Variants in BICC1 observed in about 807,000 individuals in gnomAD.
The protein encoded by BICC1 is BicC family RNA binding protein 1.
A neutral mutation model predicts 111.0 loss-of-function variants in BICC1; 43 were observed. That is an observed-to-expected ratio of 0.39 (90% CI 0.30 to 0.50). The LOEUF is 0.50. BICC1 is among the 20% of genes least tolerant of loss of function. BICC1 has a pLI of 0.88. For missense variants in BICC1, 1,091 were observed against 1,203.2 expected (o/e 0.91, Z 1.38); for synonymous variants, 467 against 434.4 (o/e 1.07, Z -0.93).
Position 58,800,778 on chromosome 10 carries a change from G to C in BICC1, c.1859-112G>C, listed in dbSNP as rs1433893062. 25 of 1,083,704 alleles carry C rather than the reference G, an allele frequency of 2.3e-5. No individual in the cohort carries two copies. The East Asian group carries it at 2.4e-4, about 10-fold the overall frequency. The allele number at this position is 1,083,704 out of a possible 1,614,324, so 67.1% of individuals were successfully genotyped here. On this transcript the variant is annotated intron_variant, in intron 13 of 20. Transcript: ENST00000373886. The stretch of plus-strand genomic sequence containing the variant: ...TGCAGATGGAAGAGGTCTCTGTCAG[G>C]TTAATCATGTCTCCATAGAGTAGGG...
intron 1 of BICC1, among the ~76,000 whole-genome samples, chr10:58,605,214 T>A (rs557325662): frequency 1.3e-5 from 2 of 152,144 alleles, no homozygotes; most frequent in Non-Finnish European, 2.9e-5. Context: ...TCACGTAATA[T>A]ATACGCATAG....
chr10:58,748,227 T>A (rs1048353775), intron 3 of BICC1, among the ~76,000 whole-genome samples: 1 of 152,242 alleles, frequency 6.6e-6, no homozygotes, highest in African/African-American at 2.4e-5. Flanking sequence ...CCAGGCAGTG[T>A]TCTAGGGACT....
intron 3 of BICC1, chr10:58,715,589 C>T: frequency 1.2e-6 from 2 of 1,602,632 alleles, no homozygotes; most frequent in African/African-American, 1.3e-5. Flanking sequence ...CCTATATGCA[C>T]CCAATAGCAA....
chr10:58,612,287 A>G (rs1174018082), intron 1 of BICC1, among the ~76,000 whole-genome samples: 2 of 152,218 alleles, frequency 1.3e-5, no homozygotes, highest in African/African-American at 4.8e-5. Context: ...ATTCATGAAC[A>G]TAAAAAGTTT....
intron 2 of BICC1, 117 bp from the exon 3 acceptor site, chr10:58,701,957 C>G: frequency 1.5e-6 from 1 of 654,180 alleles, no homozygotes; most frequent in South Asian, 2.3e-5. Context: ...CAAATGAGAT[C>G]ATTTTGTATG....
chr10:58,722,613 C>T (rs1023735795), intron 3 of BICC1, among the ~76,000 whole-genome samples: 1 of 152,070 alleles, frequency 6.6e-6, no homozygotes, highest in African/African-American at 2.4e-5. Context: ...TAAAATTAGG[C>T]CATGATCACG....
intron 3 of BICC1, among the ~76,000 whole-genome samples, chr10:58,761,168 A>G (rs1204461231): frequency 6.6e-6 from 1 of 152,174 alleles, no homozygotes. Context: ...TAAGAGACCA[A>G]GAATTTATGA....
At chr10:58,826,629 G>A (rs541181708) in intron 20 of BICC1, among the ~76,000 whole-genome samples, 6 of 30,710 alleles carry the variant, frequency 2.0e-4, no homozygotes, top group Admixed American at 3.6e-4. Flanking sequence ...TGTGGTGGTG[G>A]GCACCTGTAG....
In BICC1 at chr10:58,788,406, G is replaced by T. The variant is rs911323619; in HGVS notation, c.583G>T (p.Ala195Ser). The T allele has an allele frequency of 1.9e-6, 3 of 1,610,824 alleles. No homozygotes were observed. Among genetic ancestry groups the T allele is most frequent in the East Asian group, 2.2e-5 (1 of 44,826 alleles). Residue 195 changes from alanine to serine, a missense_variant, in exon 6 of 21, where the codon GCC becomes TCC. Transcript: ENST00000373886. ...GGGACAACCAGCAGGAGTAGAATCT[G>T]CCCGAGTTAGAATTCGGGTAACTAT... ...IAGQPAGVES[A>S]RVRIRELLPL...
intron 3 of BICC1, among the ~76,000 whole-genome samples, chr10:58,719,512 CTT>C (rs61590839): frequency 2.1e-4 from 31 of 146,796 alleles, no homozygotes; most frequent in South Asian, 2.2e-4. Context: ...GGGCACTTTT[CTT>C]TTTTTTTTTT....
At chr10:58,574,238 G>C (rs1209493237) in intron 1 of BICC1, among the ~76,000 whole-genome samples, 1 of 152,140 alleles carries the variant, frequency 6.6e-6, no homozygotes, top group Non-Finnish European at 1.5e-5. Flanking sequence ...TGATTCTTCT[G>C]TGTGAGAATC....
intron 1 of BICC1, among the ~76,000 whole-genome samples, chr10:58,559,495 G>A (rs1317156004): frequency 6.6e-6 from 1 of 152,032 alleles, no homozygotes; most frequent in African/African-American, 2.4e-5. Context: ...CTAAGAATTG[G>A]TGGAGACTTT....
intron 2 of BICC1, among the ~76,000 whole-genome samples, chr10:58,678,030 C>A (rs907531836): frequency 4.6e-5 from 7 of 152,224 alleles, no homozygotes; most frequent in Non-Finnish European, 1.0e-4. Flanking sequence ...CTTACAAGAG[C>A]TCCTGAAGGA....
chr10:58,567,884 G>T (rs930866096), intron 1 of BICC1, among the ~76,000 whole-genome samples: 1 of 152,062 alleles, frequency 6.6e-6, no homozygotes, highest in African/African-American at 2.4e-5. Flanking sequence ...CTTACCTAGG[G>T]ACCTGTAAGT....
At chr10:58,665,607 C>T (rs933601029) in intron 2 of BICC1, among the ~76,000 whole-genome samples, 1 of 152,164 alleles carries the variant, frequency 6.6e-6, no homozygotes, top group Admixed American at 6.6e-5. Flanking sequence ...AGAGGTTTTT[C>T]ATTCCCCTTG....
chr10:58,821,132 T>C (rs757924815), intron 20 of BICC1, among the ~76,000 whole-genome samples: 1 of 152,076 alleles, frequency 6.6e-6, no homozygotes, highest in South Asian at 2.1e-4. Flanking sequence ...AGATGATGAG[T>C]CAGGAGTTGG....
intron 1 of BICC1, among the ~76,000 whole-genome samples, chr10:58,599,019 A>T (rs185580724): frequency 6.6e-6 from 1 of 152,142 alleles, no homozygotes; most frequent in Non-Finnish European, 1.5e-5. Flanking sequence ...GCTGGAGAGG[A>T]TGTGGAGAAA....
intron 3 of BICC1, among the ~76,000 whole-genome samples, chr10:58,722,642 G>A (rs1396119214): frequency 6.6e-6 from 1 of 152,136 alleles, no homozygotes; most frequent in East Asian, 1.9e-4. Context: ...CTCTGAGAGA[G>A]CACTTTTAGA....
chr10:58,764,066 T>C (rs1842392791), intron 3 of BICC1, among the ~76,000 whole-genome samples: 2 of 152,178 alleles, frequency 1.3e-5, no homozygotes, highest in Non-Finnish European at 2.9e-5. Flanking sequence ...TAACACATAC[T>C]GATGTTTACT....
Sources: gnomAD v4.1 joint callset for allele counts (sites outside exome capture counted in the v4.1 genomes callset) on GRCh38, gnomAD v4.1.1 for gene constraint, MANE v1.5 for transcripts, NCBI Gene and HGNC (gene_info 2026-07-23, HGNC 2026-07-21) for gene names.